Variants in PTPRD observed in about 807,000 individuals in gnomAD.
PTPRD encodes protein tyrosine phosphatase receptor type D, also known as receptor-type tyrosine-protein phosphatase delta.
Under a neutral mutation model 214.5 loss-of-function variants are expected in PTPRD, and 34 were observed. The observed-to-expected ratio is 0.16, with a 90% CI of 0.12 to 0.21. The LOEUF (loss-of-function observed/expected upper bound fraction) is 0.21, where lower values mean the gene tolerates loss of function less well. PTPRD is among the 10% of genes least tolerant of loss of function. The probability of loss-of-function intolerance (pLI) is 1.00; values close to 1 mark genes in which losing one functional copy is unlikely to be tolerated. For missense variants in PTPRD, 2,545 were observed against 2,398.7 expected, an observed-to-expected ratio of 1.06 and a Z score of -1.27; for synonymous variants, 1,128 against 845.7, an observed-to-expected ratio of 1.33 and a Z score of -5.79.
intron 12 of PTPRD, among the ~76,000 whole-genome samples, chr9:8,695,752 T>C (rs1019728335): frequency 5.3e-5 from 8 of 152,230 alleles, no homozygotes; most frequent in East Asian, 1.9e-4. Flanking sequence ...AATCAAATCA[T>C]ATTTTAAATT....
chr9:10,053,240 T>C (rs946461430), intron 3 of PTPRD, among the ~76,000 whole-genome samples: 4 of 152,166 alleles, frequency 2.6e-5, no homozygotes, highest in South Asian at 2.1e-4. Context: ...ACAATAAGCA[T>C]TGAAAGCTGT....
At chr9:8,806,515 C>G (rs969683788) in intron 11 of PTPRD, among the ~76,000 whole-genome samples, 1 of 152,118 alleles carries the variant, frequency 6.6e-6, no homozygotes, top group Non-Finnish European at 1.5e-5. Flanking sequence ...ATCTTACCCC[C>G]TTTTACATTG....
intron 21 of PTPRD, among the ~76,000 whole-genome samples, chr9:8,511,710 A>T (rs1396600464): frequency 2.0e-5 from 3 of 152,006 alleles, no homozygotes; most frequent in African/African-American, 4.8e-5. Flanking sequence ...AGAAGCAAAA[A>T]TTTTTCTTTA....
chr9:8,813,504 G>A (rs551166086), intron 11 of PTPRD, among the ~76,000 whole-genome samples: 2 of 152,210 alleles, frequency 1.3e-5, no homozygotes, highest in South Asian at 4.2e-4. Flanking sequence ...CTCGGTACTT[G>A]TGACTACAAG....
Position 8,713,835 on chromosome 9 carries a change from C to A in PTPRD, c.64+19945G>T, listed in dbSNP as rs1062214. The stretch of plus-strand genomic sequence containing the variant: ...TCACCACCAAGAGGCCCAACACCTT[C>A]TTCTAGGTGCAGGGCCCTCGCCCGG... On this transcript the variant is annotated intron_variant, in intron 12 of 45. Coordinates refer to ENST00000381196, the MANE Select transcript of PTPRD (RefSeq NM_002839.4). The A allele has an allele frequency of 3.4e-6, 5 of 1,478,706 alleles. No individual in the cohort carries two copies. The South Asian group carries it at 4.8e-5, about 14-fold the overall frequency. The allele number at this position is 1,478,706 out of a possible 1,614,324, so 91.6% of individuals were successfully genotyped here. A position where few individuals can be genotyped will look rare whatever the true frequency, so the allele number is the denominator to read the frequency against.
intron 8 of PTPRD, among the ~76,000 whole-genome samples, chr9:9,514,272 T>C (rs2096781073): frequency 6.6e-6 from 1 of 152,084 alleles, no homozygotes; most frequent in Non-Finnish European, 1.5e-5. Flanking sequence ...TTTAACAGGA[T>C]CTATCAGGTT....
chr9:10,524,340 T>C (rs559522925), intron 2 of PTPRD, among the ~76,000 whole-genome samples: 5 of 152,188 alleles, frequency 3.3e-5, no homozygotes, highest in African/African-American at 1.2e-4. Flanking sequence ...AGTCATTGTG[T>C]TTGATACATA....
intron 4 of PTPRD, among the ~76,000 whole-genome samples, chr9:10,015,850 C>G (rs1304483052): frequency 6.6e-6 from 1 of 151,996 alleles, no homozygotes; most frequent in Non-Finnish European, 1.5e-5. Flanking sequence ...ACTACAAGGT[C>G]ATTTTGAAAC....
intron 3 of PTPRD, among the ~76,000 whole-genome samples, chr9:10,068,232 C>T (rs1287102773): frequency 6.6e-6 from 1 of 151,526 alleles, no homozygotes; most frequent in Non-Finnish European, 1.5e-5. Context: ...CATTCCAAAT[C>T]TGCCATTTGC....
Position 8,414,856 on chromosome 9 carries a change from C to T in PTPRD, c.4087-10196G>A, listed in dbSNP as rs189264813. Among the ~76,000 whole-genome samples, 24 of 124,110 alleles carry T rather than the reference C, an allele frequency of 1.9e-4. No individual in the cohort carries two copies. In the East Asian group the frequency reaches 4.6e-3, roughly 24 times the overall value. 81.4% of individuals were successfully genotyped at this position (124,110 alleles called of 152,430 possible). ...CATGTACATGTACGGGGAGGGAAGG[C>T]GTGCAGGGGAGCAGGAGAGAGGGAG... On this transcript the variant is annotated intron_variant, in intron 35 of 45. Transcript: ENST00000381196.
At chr9:10,234,205 A>G (rs1594938817) in intron 3 of PTPRD, among the ~76,000 whole-genome samples, 1 of 151,830 alleles carries the variant, frequency 6.6e-6, no homozygotes, top group South Asian at 2.1e-4. Flanking sequence ...CATCTCAAAA[A>G]TTAATTAATT....
At chr9:9,491,907 T>A (rs2095918121) in intron 8 of PTPRD, among the ~76,000 whole-genome samples, 1 of 151,764 alleles carries the variant, frequency 6.6e-6, no homozygotes, top group Admixed American at 6.6e-5. Context: ...CAGAGATCAA[T>A]GAAATAGATA....
intron 3 of PTPRD, among the ~76,000 whole-genome samples, chr9:10,290,894 T>C (rs1460033193): frequency 1.3e-5 from 2 of 152,092 alleles, no homozygotes; most frequent in Non-Finnish European, 2.9e-5. Context: ...CTGTTGAATA[T>C]AAAATAAACC....
intron 3 of PTPRD, among the ~76,000 whole-genome samples, chr9:10,071,740 C>T (rs2098022138): frequency 1.3e-5 from 2 of 151,710 alleles, no homozygotes; most frequent in East Asian, 1.9e-4. Context: ...TTAGGTATAA[C>T]ACCATAAGAA....
chr9:8,677,450 T>G (rs2097450099), intron 12 of PTPRD, among the ~76,000 whole-genome samples: 1 of 152,130 alleles, frequency 6.6e-6, no homozygotes, highest in African/African-American at 2.4e-5. Context: ...AAGTTCTCAC[T>G]TATAAACGGG....
intron 10 of PTPRD, among the ~76,000 whole-genome samples, chr9:9,101,251 G>C (rs2099790953): frequency 3.3e-5 from 5 of 152,084 alleles, no homozygotes; most frequent in Admixed American, 3.3e-4. Flanking sequence ...AGAAAGATCT[G>C]AGCTTTAATA....
At chr9:9,938,149 C>G (rs1477776881) in intron 5 of PTPRD, among the ~76,000 whole-genome samples, 3 of 152,110 alleles carry the variant, frequency 2.0e-5, no homozygotes, top group Non-Finnish European at 4.4e-5. Flanking sequence ...AGTTGAAATG[C>G]TTAATGATAA....
intron 39 of PTPRD, among the ~76,000 whole-genome samples, chr9:8,346,109 G>T (rs148434324): frequency 6.6e-6 from 1 of 151,890 alleles, no homozygotes; most frequent in Non-Finnish European, 1.5e-5. Context: ...CCACTCTCAG[G>T]CTCTCCTTGA....
At chr9:8,450,127 G>A (rs1252243114) in intron 33 of PTPRD, among the ~76,000 whole-genome samples, 1 of 152,106 alleles carries the variant, frequency 6.6e-6, no homozygotes, top group Non-Finnish European at 1.5e-5. Flanking sequence ...GGTGAGATAC[G>A]CATGGACCCT....
Sources: allele counts gnomAD v4.1 joint callset (sites outside exome capture counted in the v4.1 genomes callset), GRCh38; gene constraint gnomAD v4.1.1; transcripts MANE v1.5; gene names NCBI Gene and HGNC (gene_info 2026-07-23, HGNC 2026-07-21).